Variants in TRABD2B observed in about 807,000 individuals in gnomAD.
The protein encoded by TRABD2B is TraB domain containing 2B.
TRABD2B carries 14 observed loss-of-function variants against 40.1 expected under a neutral mutation model. The ratio of observed to expected loss-of-function variants is 0.35; its 90% CI spans 0.23 to 0.55. The LOEUF is 0.55. Among genes scored for constraint, TRABD2B ranks in the 20% least tolerant of loss-of-function variants. The pLI, the probability that TRABD2B is intolerant of heterozygous loss-of-function variation, is 0.90. For missense variants in TRABD2B, 541 were observed against 648.6 expected (o/e 0.83, Z 1.80); for synonymous variants, 263 against 277.0 (o/e 0.95, Z 0.50).
At chr1:47,874,793 G>A (rs953434736) in intron 2 of TRABD2B, among the ~76,000 whole-genome samples, 4 of 150,656 alleles carry the variant, frequency 2.7e-5, no homozygotes, top group African/African-American at 7.3e-5. Context: ...TTTAAGAGAC[G>A]GATTGGTCTC....
intron 2 of TRABD2B, among the ~76,000 whole-genome samples, chr1:47,900,212 G>A (rs1183327568): frequency 6.6e-6 from 1 of 152,120 alleles, no homozygotes; most frequent in Non-Finnish European, 1.5e-5. Flanking sequence ...TTGTTGGAGG[G>A]ACTGTTGGAA....
At chr1:47,808,324 T>C (rs1299604573) in intron 2 of TRABD2B, among the ~76,000 whole-genome samples, 1 of 152,230 alleles carries the variant, frequency 6.6e-6, no homozygotes, top group African/African-American at 2.4e-5. Flanking sequence ...AAAATGTATA[T>C]ACCTATATAT....
chr1:47,996,932 A>G lies in TRABD2B; in HGVS notation c.-143T>C, dbSNP rs1243000530. 14 of 1,120,544 alleles carry G rather than the reference A, an allele frequency of 1.2e-5. No individual in the cohort carries two copies. The highest frequency in any genetic ancestry group is 5.0e-5 in the African/African-American group (3 of 60,554). The allele number at this position is 1,120,544 out of a possible 1,614,324, so 69.4% of individuals were successfully genotyped here. On this transcript the variant is annotated 5_prime_UTR_variant, in exon 1 of 7. Transcript: ENST00000606738. This position sits in a 1 kb window ranked among gnomAD's most constrained non-coding sequence, Gnocchi z 4.6. ...CTGGGCGCCCTCTGGGGCGTGGCTG[A>G]CTGTCCCTGTCGGACCTGGGGGTTT...
intron 2 of TRABD2B, among the ~76,000 whole-genome samples, chr1:47,824,290 C>T (rs769424071): frequency 4.6e-5 from 7 of 152,166 alleles, no homozygotes; most frequent in Admixed American, 6.5e-5. Flanking sequence ...ATCCAGTTCC[C>T]GCCAGTTCCA....
At chr1:47,881,705 A>G (rs1644306242) in intron 2 of TRABD2B, among the ~76,000 whole-genome samples, 1 of 152,162 alleles carries the variant, frequency 6.6e-6, no homozygotes. Flanking sequence ...ATGGGCTCTG[A>G]AAGCACGTGT....
intron 2 of TRABD2B, among the ~76,000 whole-genome samples, chr1:47,837,859 G>A (rs1645340655): frequency 6.6e-6 from 1 of 152,170 alleles, no homozygotes; most frequent in African/African-American, 2.4e-5. Context: ...ACCCTAAGAG[G>A]CAGATACTAT....
chr1:47,864,116 G>A (rs1220835501), intron 2 of TRABD2B, among the ~76,000 whole-genome samples: 2 of 152,092 alleles, frequency 1.3e-5, no homozygotes, highest in East Asian at 1.9e-4. Context: ...GAATTAATAG[G>A]TGGAGCATAG....
intron 2 of TRABD2B, among the ~76,000 whole-genome samples, chr1:47,859,618 G>C (rs1643936714): frequency 6.6e-6 from 1 of 152,176 alleles, no homozygotes; most frequent in African/African-American, 2.4e-5. Flanking sequence ...CAGGCATGTG[G>C]CCAGAGCATG....
intron 2 of TRABD2B, among the ~76,000 whole-genome samples, chr1:47,922,516 G>A (rs1289993303): frequency 2.6e-5 from 4 of 152,226 alleles, no homozygotes; most frequent in African/African-American, 9.6e-5. Flanking sequence ...GATGCCAGGG[G>A]TGGAGTTGCA....
chr1:47,889,226 G>A (rs563435783), intron 2 of TRABD2B, among the ~76,000 whole-genome samples: 28 of 152,340 alleles, frequency 1.8e-4, no homozygotes, highest in Non-Finnish European at 1.6e-4. Flanking sequence ...CCTCATGGAA[G>A]CTGCCCAGAA....
chr1:47,778,492 C>T lies in TRABD2B; in HGVS notation c.1041G>A (p.Leu347=). ...GCCCGGCGGGTGTGTGGTCCACCTC[C>T]AGCCCTGCCTGCCGCAGGATGTCGA... ...TVIDILRQAG[L]EVDHTPAGQA... is the part of the protein sequence containing the mutation. The change falls in exon 5 of 7, where the codon CTG becomes CTA. Residue 347 remains leucine (L), a synonymous_variant. Transcript: ENST00000606738. 6.5e-7 allele frequency: 1 copy of T among 1,536,152 alleles called. No homozygotes were observed. The highest frequency in any genetic ancestry group is 2.0e-5 in the Admixed American group (1 of 51,006).
At chr1:47,891,393 C>T (rs1416492406) in intron 2 of TRABD2B, among the ~76,000 whole-genome samples, 2 of 152,156 alleles carry the variant, frequency 1.3e-5, no homozygotes, top group Admixed American at 6.5e-5. Context: ...GGGGAGGCTT[C>T]TCTGGGCAGG....
Position 47,775,322 on chromosome 1 carries a change from C to A in TRABD2B, c.1197G>T (p.Glu399Asp). The change falls in exon 6 of 7, where the codon GAG becomes GAT. Residue 399 changes from glutamate to aspartate, a missense_variant. Physicochemically the swap from Glu to Asp is conservative, Grantham distance 45. Around this residue, in one of 2 missense-constraint regions of TRABD2B, gnomAD observed 172 missense variants for 155.8 expected, o/e 1.10. Transcript: ENST00000606738. ...APSVTPTAPP[E>D]DEDPALSPHL... The stretch of plus-strand genomic sequence containing the variant: ...GTGGGGACAGGGCTGGATCCTCATC[C>A]TCTGGTGGGGCGGTGGGGGTCACAG... 1 of 1,245,880 alleles carries A rather than the reference C, an allele frequency of 8.0e-7. No homozygotes were observed. The highest frequency in any genetic ancestry group is 1.0e-6 in the Non-Finnish European group (1 of 993,028). 77.2% of individuals were successfully genotyped at this position (1,245,880 alleles called of 1,614,324 possible).
intron 2 of TRABD2B, among the ~76,000 whole-genome samples, chr1:47,899,206 T>A (rs1644565405): frequency 6.6e-6 from 1 of 152,172 alleles, no homozygotes; most frequent in African/African-American, 2.4e-5. Context: ...CAGGGCATGA[T>A]CTTCTGCTTG....
In TRABD2B at chr1:47,813,567, C is replaced by G. The variant is rs1557587457; in HGVS notation, c.667-11948G>C. On this transcript the variant is annotated intron_variant, in intron 2 of 6. Transcript: ENST00000606738. This position sits in a 1 kb window ranked among gnomAD's most constrained non-coding sequence, Gnocchi z 4.3. ...TTATTCTGGCTCTTTGGGGCAGACT[C>G]TTCTCTTCTCTTTGCTGCGTCTCAG... Among the ~76,000 whole-genome samples, 1 of 152,140 alleles carries G rather than the reference C, an allele frequency of 6.6e-6. No individual in the cohort carries two copies. The highest frequency in any genetic ancestry group is 1.5e-5 in the Non-Finnish European group (1 of 68,034).
At chr1:47,847,058 C>T (rs1319013642) in intron 2 of TRABD2B, among the ~76,000 whole-genome samples, 1 of 152,170 alleles carries the variant, frequency 6.6e-6, no homozygotes, top group African/African-American at 2.4e-5. Context: ...CCCACTGGAG[C>T]ATCTGGAGAG....
chr1:47,911,481 A>T (rs964854865), intron 2 of TRABD2B, among the ~76,000 whole-genome samples: 6 of 152,250 alleles, frequency 3.9e-5, no homozygotes, highest in African/African-American at 1.4e-4. Context: ...GATAAAGAAC[A>T]GGCCGAAGAA....
At chr1:47,913,331 G>T (rs1246966678) in intron 2 of TRABD2B, among the ~76,000 whole-genome samples, 4 of 152,182 alleles carry the variant, frequency 2.6e-5, no homozygotes, top group Non-Finnish European at 4.4e-5. Context: ...TTAGGCTGGA[G>T]CAAGCCAGTA....
At chr1:47,852,353 C>T (rs944974729) in intron 2 of TRABD2B, among the ~76,000 whole-genome samples, 6 of 152,200 alleles carry the variant, frequency 3.9e-5, no homozygotes, top group African/African-American at 1.2e-4. Context: ...AATTCCAGGC[C>T]AAAGTAATCT....
Sources: gnomAD v4.1 joint callset for allele counts (sites outside exome capture counted in the v4.1 genomes callset) on GRCh38, gnomAD v4.1.1 for gene constraint, gnomAD v4.1.1 regional missense constraint, Gnocchi (gnomAD v3.1) non-coding constraint, MANE v1.5 for transcripts, NCBI Gene and HGNC (gene_info 2026-07-23, HGNC 2026-07-21) for gene names.